Variants in SAMM50 observed in about 807,000 individuals in gnomAD.
SAMM50 encodes the protein sorting and assembly machinery component 50 homolog.
A neutral mutation model predicts 66.9 loss-of-function variants in SAMM50; 47 were observed. That is an observed-to-expected ratio of 0.70 (90% CI 0.56 to 0.90). The LOEUF is 0.90. Among genes scored for constraint, SAMM50 ranks in the 40% least tolerant of loss-of-function variants. SAMM50 has a pLI of 0.00. For synonymous variants in SAMM50, 191 were observed against 214.1 expected (o/e 0.89, Z 0.94); for missense variants, 535 against 595.3 (o/e 0.90, Z 1.05).
At chr22:43,994,176 A>G (rs1029494334) in intron 14 of SAMM50, among the ~76,000 whole-genome samples, 12 of 152,208 alleles carry the variant, frequency 7.9e-5, no homozygotes, top group African/African-American at 2.7e-4. Flanking sequence ...ACGCAGGGAC[A>G]GTGGTCCTGG....
At position 43,976,164 on chromosome 22, in the gene SAMM50, C is replaced by G. The variant is rs371015652; in HGVS notation, c.758C>G (p.Ser253Ter). The G allele has an allele frequency of 5.6e-6, 9 of 1,606,148 alleles. No individual in the cohort carries two copies. In the African/African-American group the frequency reaches 1.2e-4, roughly 21 times the overall value. ...SFAVRKESGH[S>*]LKSSLSHAMV... ...GCTGTTCGAAAAGAAAGCGGACATTCACTGAAATCATCTCTTTCGGTAACG... is the reference window on the plus strand; with the variant it reads ...GCTGTTCGAAAAGAAAGCGGACATTGACTGAAATCATCTCTTTCGGTAACG... The change falls in exon 8 of 15, where the codon TCA becomes TGA. Residue 253 changes from serine to a stop codon, truncating the protein, a stop_gained. Coordinates refer to ENST00000350028, the MANE Select transcript of SAMM50 (RefSeq NM_015380.5). LOFTEE classifies it high-confidence loss of function.
chr22:43,965,958 C>T (rs2050171067), intron 3 of SAMM50, among the ~76,000 whole-genome samples: 1 of 152,146 alleles, frequency 6.6e-6, no homozygotes. Flanking sequence ...CCCACCTCAG[C>T]CTCCTGAGTA....
rs547871101 is a variant in SAMM50, at chr22:43,996,446, C to T, written c.*63C>T. ...GCAGCAAGGCGCCCATGCCACACAC[C>T]GTCTCTCGAGGAAACGCGGTTCAGC... On this transcript the variant is annotated 3_prime_UTR_variant, in exon 15 of 15. Coordinates refer to ENST00000350028, the MANE Select transcript of SAMM50 (RefSeq NM_015380.5). 3.6e-5 allele frequency: 54 copies of T among 1,491,006 alleles called. No individual in the cohort carries two copies. Among genetic ancestry groups the T allele is most frequent in the Non-Finnish European group, 4.8e-5 (51 of 1,067,830 alleles). 92.4% of individuals were successfully genotyped at this position (1,491,006 alleles called of 1,614,324 possible).
chr22:43,994,041 TAGC>T (rs1391082490), intron 14 of SAMM50, among the ~76,000 whole-genome samples: 2 of 152,116 alleles, frequency 1.3e-5, no homozygotes, highest in Non-Finnish European at 2.9e-5. Context: ...AGCTCACAGT[TAGC>T]AGCAGGAAGA....
chr22:43,982,921 C>A (rs1432345493), intron 11 of SAMM50, among the ~76,000 whole-genome samples: 1 of 152,246 alleles, frequency 6.6e-6, no homozygotes, highest in Non-Finnish European at 1.5e-5. Context: ...CAGGCGCGAG[C>A]TACCGCACGT....
At position 43,963,490 on chromosome 22, in the gene SAMM50, C is replaced by T. The variant is rs575416174; in HGVS notation, c.132+94C>T. 52 of 652,380 alleles carry T rather than the reference C, an allele frequency of 8.0e-5. 1 individual carries two copies. The highest frequency in any genetic ancestry group is 3.8e-4 in the Admixed American group (12 of 31,700). 40.4% of individuals were successfully genotyped at this position (652,380 alleles called of 1,614,324 possible). A position where few individuals can be genotyped will look rare whatever the true frequency, so the allele number is the denominator to read the frequency against. ...AGATGTAAAGGAATTAACCTGTTTCCGTGCCTTTATCAAAGAAGAGTTTGT... is the reference window on the plus strand; with the variant it reads ...AGATGTAAAGGAATTAACCTGTTTCTGTGCCTTTATCAAAGAAGAGTTTGT... On this transcript the variant is annotated intron_variant, in intron 2 of 14. Transcript: ENST00000350028.
At chr22:43,967,112 G>A (rs1207902611) in intron 3 of SAMM50, among the ~76,000 whole-genome samples, 1 of 152,148 alleles carries the variant, frequency 6.6e-6, no homozygotes, top group African/African-American at 2.4e-5. Context: ...TTCCCTGTGA[G>A]CATCCTTAAG....
chr22:43,965,994 A>AT (rs1319625472), intron 3 of SAMM50, among the ~76,000 whole-genome samples: 1 of 152,074 alleles, frequency 6.6e-6, no homozygotes, highest in Non-Finnish European at 1.5e-5. Context: ...ACACATCACC[A>AT]TGCCTAGCTA....
chr22:43,972,373 T>C, intron 5 of SAMM50, 31 bp downstream of exon 5: 4 of 1,353,948 alleles, frequency 3.0e-6, no homozygotes, highest in Non-Finnish European at 4.1e-6. Flanking sequence ...TTTCTTATAT[T>C]GGAACTTAGA....
At chr22:43,988,458 T>C (rs2050305287) in intron 12 of SAMM50, 1 of 152,210 alleles carries the variant, frequency 6.6e-6, no homozygotes, top group Non-Finnish European at 1.5e-5. Context: ...TTTCTGTTGC[T>C]TTATAGTTTA....
intron 1 of SAMM50, chr22:43,956,997 C>T: frequency 1.4e-6 from 1 of 697,722 alleles, no homozygotes; most frequent in Non-Finnish European, 2.5e-6. Flanking sequence ...CTGTGGCGGC[C>T]TGCCGGGAGC....
intron 1 of SAMM50, among the ~76,000 whole-genome samples, chr22:43,959,517 C>CACACAT (rs1325870517): frequency 2.0e-5 from 3 of 151,090 alleles, no homozygotes; most frequent in Non-Finnish European, 4.4e-5. Context: ...TACACACACA[C>CACACAT]ACACACACAC....
At chr22:43,984,128 C>G (rs2050279196) in intron 12 of SAMM50, 128 bp downstream of exon 12, 2 of 732,534 alleles carry the variant, frequency 2.7e-6, no homozygotes, top group East Asian at 2.8e-5. Context: ...TAGCACCTAA[C>G]ACAGAACTTA....
chr22:43,989,401 A>G (rs1303287806), intron 13 of SAMM50, 144 bp downstream of exon 13: 9 of 830,898 alleles, frequency 1.1e-5, no homozygotes, highest in Admixed American at 5.8e-5. Flanking sequence ...CAGTGGCGCA[A>G]TCTCGGCTCA....
At chr22:43,987,440 T>C (rs575816019) in intron 12 of SAMM50, 1 of 152,336 alleles carries the variant, frequency 6.6e-6, no homozygotes, top group Non-Finnish European at 1.5e-5. Context: ...TCCTGGAAGA[T>C]CCCATTTATA....
At chr22:43,991,619 C>T (rs758378204) in intron 14 of SAMM50, among the ~76,000 whole-genome samples, 4 of 152,174 alleles carry the variant, frequency 2.6e-5, no homozygotes, top group Non-Finnish European at 5.9e-5. Context: ...TAGTGTATCT[C>T]GGTCAGCTCA....
chr22:43,987,642 G>A (rs781313090), intron 12 of SAMM50: 2 of 152,114 alleles, frequency 1.3e-5, no homozygotes. Context: ...CACTTAGGAT[G>A]TGTATACTTT....
chr22:43,979,941 G>A (rs996283286), intron 10 of SAMM50, among the ~76,000 whole-genome samples: 39 of 151,034 alleles, frequency 2.6e-4, no homozygotes, highest in Admixed American at 1.1e-3. Context: ...TAAGACTTTG[G>A]TATAGGTGTG....
At chr22:43,968,941 T>C (rs2050189366) in intron 4 of SAMM50, 123 bp downstream of exon 4, 15 of 660,322 alleles carry the variant, frequency 2.3e-5, no homozygotes, top group Non-Finnish European at 3.5e-5. Flanking sequence ...AACCTGAAAG[T>C]TGATCAAACA....
Sources: allele counts gnomAD v4.1 joint callset (sites outside exome capture counted in the v4.1 genomes callset), GRCh38; gene constraint gnomAD v4.1.1; transcripts MANE v1.5; gene names NCBI Gene and HGNC (gene_info 2026-07-23, HGNC 2026-07-21).